The following NEO1 variants were observed in gnomAD, a reference collection of about 807,000 sequenced individuals.
NEO1 encodes the protein neogenin.
NEO1 carries 63 observed loss-of-function variants against 159.7 expected under a neutral mutation model. The ratio of observed to expected loss-of-function variants is 0.39; its 90% CI spans 0.32 to 0.49. The LOEUF is 0.49. Among genes scored for constraint, NEO1 ranks in the 20% least tolerant of loss-of-function variants. The probability of loss-of-function intolerance (pLI) is 0.85; values close to 1 mark genes in which losing one functional copy is unlikely to be tolerated. For missense variants in NEO1, 1,615 were observed against 1,831.0 expected (o/e 0.88, Z 2.15); for synonymous variants, 633 against 662.0 (o/e 0.96, Z 0.67).
At chr15:73,122,061 GTGTATA>G (rs59047817) in intron 2 of NEO1, among the ~76,000 whole-genome samples, 4,284 of 63,448 alleles carry the variant, frequency 0.068, 209 homozygotes, top group African/African-American at 0.17. Flanking sequence ...GTGTGTGTGT[GTGTATA>G]TATATATATA....
chr15:73,295,813 T>A (rs2042342532), intron 26 of NEO1, among the ~76,000 whole-genome samples: 1 of 152,194 alleles, frequency 6.6e-6, no homozygotes, highest in Admixed American at 6.5e-5. Context: ...CTAAGGAGCA[T>A]TCACTATGTC....
At chr15:73,083,348 G>A (rs2069174440) in intron 1 of NEO1, among the ~76,000 whole-genome samples, 1 of 152,114 alleles carries the variant, frequency 6.6e-6, no homozygotes, top group African/African-American at 2.4e-5. Context: ...GATTGAATGG[G>A]ATGGAAGGGG....
chr15:73,200,670 CTTTT>C (rs931779531), intron 7 of NEO1, among the ~76,000 whole-genome samples: 1 of 92,862 alleles, frequency 1.1e-5, no homozygotes, highest in African/African-American at 4.0e-5. Flanking sequence ...ATTCCCTTAT[CTTTT>C]TTTTTTTTTT....
At chr15:73,284,068 T>C (rs796711751) in intron 23 of NEO1, among the ~76,000 whole-genome samples, 4 of 152,308 alleles carry the variant, frequency 2.6e-5, no homozygotes, top group African/African-American at 9.6e-5. Context: ...GGCTCAGTTA[T>C]GTAGTGCTTG....
In NEO1 at chr15:73,260,323, T is replaced by C. The variant is rs1353807193; in HGVS notation, c.2256T>C (p.Thr752=). 1.2e-6 allele frequency: 2 copies of C among 1,614,064 alleles called. No homozygotes were observed. Among genetic ancestry groups the C allele is most frequent in the Admixed American group, 1.7e-5 (1 of 60,010 alleles). ...CTCTTCACGTACGCCCGCTCGTTAC[T>C]AGCATCGTAGTGAGCTGGACTCCTC... ...PSSLHVRPLV[T]SIVVSWTPPE... is the part of the protein sequence containing the mutation. Residue 752 remains threonine (T), a synonymous_variant, in exon 15 of 29, where the codon ACT becomes ACC. Transcript: ENST00000261908.
intron 7 of NEO1, among the ~76,000 whole-genome samples, chr15:73,192,197 T>G (rs1202201415): frequency 6.6e-6 from 1 of 152,068 alleles, no homozygotes; most frequent in Non-Finnish European, 1.5e-5. Flanking sequence ...AAGTGATATT[T>G]AAGTTGAGAC....
intron 25 of NEO1, among the ~76,000 whole-genome samples, chr15:73,290,830 C>T (rs1414865361): frequency 1.3e-5 from 2 of 152,016 alleles, no homozygotes; most frequent in Admixed American, 1.3e-4. Flanking sequence ...ATACATGCAA[C>T]GAGGTACACC....
Position 73,298,545 on chromosome 15 carries a change from A to T in NEO1, c.4099A>T (p.Ile1367Phe). ...ATTGAAGAGCTTCGCCGTGCCAGCA[A>T]TCCCGCCTCCAGGACCTCCCACCTA... ...HPLKSFAVPA[I>F]PPPGPPTYDP... Residue 1367 changes from isoleucine to phenylalanine, a missense_variant, in exon 27 of 29, where the codon ATC becomes TTC. Ile to Phe is a conservative substitution (Grantham distance 21, BLOSUM62 0). Coordinates refer to ENST00000261908, the MANE Select transcript of NEO1 (RefSeq NM_002499.4). 6.2e-7 allele frequency: 1 copy of T among 1,614,126 alleles called. No homozygotes were observed. Among genetic ancestry groups the T allele is most frequent in the Non-Finnish European group, 8.5e-7 (1 of 1,180,030 alleles).
chr15:73,270,610 T>C (rs1364226409), intron 18 of NEO1, among the ~76,000 whole-genome samples, 156 bp downstream of exon 18: 2 of 152,270 alleles, frequency 1.3e-5, no homozygotes, highest in Non-Finnish European at 2.9e-5. Context: ...TTTTAATTAC[T>C]GAACAAGAAC....
At chr15:73,233,599 G>T (rs2039025808) in intron 7 of NEO1, among the ~76,000 whole-genome samples, 1 of 152,140 alleles carries the variant, frequency 6.6e-6, no homozygotes, top group South Asian at 2.1e-4. Flanking sequence ...ATTCGTGGAA[G>T]TAATACAATG....
intron 15 of NEO1, among the ~76,000 whole-genome samples, chr15:73,262,203 G>A (rs12903941): frequency 0.69 from 105,183 of 152,080 alleles, 40,862 homozygotes; most frequent in Non-Finnish European, 0.85. Flanking sequence ...CTTTGGGATA[G>A]GCAAGGACCT....
At chr15:73,211,884 T>C (rs577531639) in intron 7 of NEO1, among the ~76,000 whole-genome samples, 7 of 152,322 alleles carry the variant, frequency 4.6e-5, no homozygotes, top group African/African-American at 1.7e-4. Flanking sequence ...AGTCTTTCCT[T>C]CTCTGCCATA....
chr15:73,144,509 A>G (rs983014049), intron 5 of NEO1, among the ~76,000 whole-genome samples: 2 of 151,876 alleles, frequency 1.3e-5, no homozygotes, highest in Non-Finnish European at 1.5e-5. Flanking sequence ...TTCTCTTTTT[A>G]TTTCTTTGCC....
intron 1 of NEO1, among the ~76,000 whole-genome samples, chr15:73,085,233 G>A (rs2069291261): frequency 6.6e-6 from 1 of 151,990 alleles, no homozygotes; most frequent in Admixed American, 6.6e-5. Context: ...ATCTTTTGGG[G>A]CTGGCTTCTT....
At chr15:73,262,164 GAAGA>G (rs2040646761) in intron 15 of NEO1, among the ~76,000 whole-genome samples, 1 of 152,170 alleles carries the variant, frequency 6.6e-6, no homozygotes, top group Non-Finnish European at 1.5e-5. Flanking sequence ...AACAATTCTA[GAAGA>G]AAGTGTAGGA....
intron 7 of NEO1, among the ~76,000 whole-genome samples, chr15:73,216,937 G>T (rs2037925122): frequency 6.6e-6 from 1 of 151,192 alleles, no homozygotes; most frequent in South Asian, 2.1e-4. Context: ...AGTTTAATTA[G>T]ATCCCATTTG....
At chr15:73,121,704 T>A (rs1357124619) in intron 2 of NEO1, among the ~76,000 whole-genome samples, 1 of 152,170 alleles carries the variant, frequency 6.6e-6, no homozygotes, top group East Asian at 1.9e-4. Flanking sequence ...TTCCTTTTCT[T>A]CCACTTATTT....
chr15:73,236,599 T>C, intron 8 of NEO1, 93 bp downstream of exon 8: 1 of 1,065,828 alleles, frequency 9.4e-7, no homozygotes, highest in Non-Finnish European at 1.4e-6. Flanking sequence ...GTACCAATTT[T>C]TAGTCCAGAA....
chr15:73,218,454 G>A (rs1408658297), intron 7 of NEO1, among the ~76,000 whole-genome samples: 1 of 152,030 alleles, frequency 6.6e-6, no homozygotes, highest in Non-Finnish European at 1.5e-5. Context: ...ATGAGTTAGG[G>A]AGGATTCCCT....
Sources: gnomAD v4.1 joint callset for allele counts (sites outside exome capture counted in the v4.1 genomes callset) on GRCh38, gnomAD v4.1.1 for gene constraint, MANE v1.5 for transcripts, NCBI Gene and HGNC (gene_info 2026-07-23, HGNC 2026-07-21) for gene names.